TANC2: variants seen among roughly 807,000 people sequenced by gnomAD.
The protein encoded by TANC2 is protein TANC2.
In TANC2, 26 loss-of-function variants were observed where a neutral mutation model predicts 210.5. The observed-to-expected ratio is 0.12, with a 90% CI of 0.09 to 0.17. The LOEUF is 0.17. Among genes scored for constraint, TANC2 ranks in the 10% least tolerant of loss-of-function variants. TANC2 has a pLI of 1.00. For missense variants in TANC2, 2,129 were observed against 2,608.9 expected (o/e 0.82, Z 4.01); for synonymous variants, 931 against 967.1 (o/e 0.96, Z 0.69).
At chr17:63,083,388 A>T (rs376167047) in intron 3 of TANC2, among the ~76,000 whole-genome samples, 1 of 152,198 alleles carries the variant, frequency 6.6e-6, no homozygotes, top group African/African-American at 2.4e-5. Flanking sequence ...GTGCTTGCCC[A>T]GTCACCACTA....
intron 2 of TANC2, among the ~76,000 whole-genome samples, chr17:63,029,503 T>C (rs2144113205): frequency 6.6e-6 from 1 of 152,238 alleles, no homozygotes; most frequent in African/African-American, 2.4e-5. Flanking sequence ...ATATAACTAG[T>C]TTTCAATCAT....
intron 5 of TANC2, among the ~76,000 whole-genome samples, chr17:63,172,248 A>G (rs904731813): frequency 3.4e-5 from 5 of 148,756 alleles, no homozygotes; most frequent in South Asian, 2.1e-4. Flanking sequence ...CTGGAGTGCA[A>G]TGACACATTC....
At chr17:63,347,614 A>G (rs576233545) in intron 12 of TANC2, among the ~76,000 whole-genome samples, 1 of 152,364 alleles carries the variant, frequency 6.6e-6, no homozygotes, top group East Asian at 1.9e-4. Flanking sequence ...AAAATGAGTC[A>G]GTATTTTTCA....
Position 63,412,658 on chromosome 17 carries a change from T to C in TANC2, c.3899-22T>C. On this transcript the variant is annotated intron_variant, in intron 23 of 27. Transcript: ENST00000689528. This position sits in a 1 kb window ranked among gnomAD's most constrained non-coding sequence, Gnocchi z 4.2. ...TTTTTTTTTCCTCTCCTACAACTTT[T>C]TGTTTTCTCCTTTCTTTGAAGGTTG... The C allele has an allele frequency of 6.5e-7, 1 of 1,534,568 alleles. No individual in the cohort carries two copies. Among genetic ancestry groups the C allele is most frequent in the Non-Finnish European group, 8.7e-7 (1 of 1,146,308 alleles).
chr17:63,192,771 G>A (rs2041227052), intron 5 of TANC2, among the ~76,000 whole-genome samples: 1 of 152,172 alleles, frequency 6.6e-6, no homozygotes, highest in South Asian at 2.1e-4. Context: ...TATGTAAAGT[G>A]TTTACACTAG....
intron 2 of TANC2, among the ~76,000 whole-genome samples, chr17:63,026,750 T>C (rs2034570259): frequency 6.6e-6 from 1 of 152,206 alleles, no homozygotes; most frequent in Admixed American, 6.5e-5. Context: ...TTTATTTCCA[T>C]ACTCTGAATT....
At chr17:63,175,402 C>G (rs1408930797) in intron 5 of TANC2, among the ~76,000 whole-genome samples, 1 of 151,886 alleles carries the variant, frequency 6.6e-6, no homozygotes, top group Non-Finnish European at 1.5e-5. Context: ...TGCTGTGTGC[C>G]TGTAGTCTCA....
intron 2 of TANC2, among the ~76,000 whole-genome samples, chr17:63,054,377 T>C (rs761375487): frequency 1.3e-5 from 2 of 152,142 alleles, no homozygotes; most frequent in African/African-American, 4.8e-5. Flanking sequence ...ATGTTGTTTT[T>C]GTTTTTTTCT....
chr17:63,208,754 A>G (rs577086246), intron 7 of TANC2, among the ~76,000 whole-genome samples: 10 of 151,966 alleles, frequency 6.6e-5, no homozygotes, highest in African/African-American at 2.4e-4. Flanking sequence ...CTTTTTTCCT[A>G]GATGCTTTAT....
At chr17:63,097,638 A>G (rs1330848855) in intron 3 of TANC2, among the ~76,000 whole-genome samples, 1 of 152,102 alleles carries the variant, frequency 6.6e-6, no homozygotes, top group Non-Finnish European at 1.5e-5. Context: ...GGCCACATTC[A>G]AAGCTGTCCT....
At chr17:62,967,237 A>G (rs2031399084) in intron 1 of TANC2, 1 of 152,350 alleles carries the variant, frequency 6.6e-6, no homozygotes, top group East Asian at 1.9e-4. Context: ...TAAAAGATTA[A>G]TAAGGCTCAT....
intron 11 of TANC2, among the ~76,000 whole-genome samples, chr17:63,326,626 G>A (rs2429430): frequency 0.59 from 89,674 of 151,798 alleles, 29,054 homozygotes; most frequent in African/African-American, 0.86. Flanking sequence ...GCTACTCAGG[G>A]TGCTGAGGTG....
chr17:63,104,100 A>G (rs144889703), intron 4 of TANC2, among the ~76,000 whole-genome samples: 17 of 152,282 alleles, frequency 1.1e-4, no homozygotes, highest in African/African-American at 4.1e-4. Flanking sequence ...TGTTTCAAGT[A>G]ATAAAAGATA....
intron 4 of TANC2, among the ~76,000 whole-genome samples, chr17:63,132,669 T>C (rs543983395): frequency 4.6e-5 from 7 of 152,320 alleles, no homozygotes; most frequent in Admixed American, 3.9e-4. Context: ...TTTAGGGAGA[T>C]TGAAAAGCAA....
chr17:62,966,238 G>T lies in TANC2; in HGVS notation c.-535G>T, dbSNP rs962554103. The stretch of plus-strand genomic sequence containing the variant: ...GGTGCGACGCCCCCAGCGCGGCGGC[G>T]GCGCTAGCGAGCGGCCGGCGGGGCG... On this transcript the variant is annotated 5_prime_UTR_variant, in exon 1 of 28. Transcript: ENST00000689528. This position sits in a 1 kb window ranked among gnomAD's most constrained non-coding sequence, Gnocchi z 5.1. 6.8e-6 allele frequency among the ~76,000 whole-genome samples: 1 copy of T among 146,268 alleles called. No individual in the cohort carries two copies. The highest frequency in any genetic ancestry group is 1.5e-5 in the Non-Finnish European group (1 of 65,856).
chr17:63,186,350 CTTT>C (rs11314991), intron 5 of TANC2, among the ~76,000 whole-genome samples: 12 of 114,366 alleles, frequency 1.0e-4, no homozygotes, highest in African/African-American at 3.3e-4. Flanking sequence ...CTCTCTCTCT[CTTT>C]TTTTTTTTTT....
intron 11 of TANC2, among the ~76,000 whole-genome samples, chr17:63,329,516 CT>C (rs1270795179): frequency 6.6e-6 from 1 of 152,194 alleles, no homozygotes; most frequent in Non-Finnish European, 1.5e-5. Flanking sequence ...AACAGACACT[CT>C]CATACTGGAG....
At chr17:63,310,581 A>G (rs1567903619) in intron 9 of TANC2, among the ~76,000 whole-genome samples, 1 of 152,234 alleles carries the variant, frequency 6.6e-6, no homozygotes, top group East Asian at 1.9e-4. Context: ...GTTCTCACAA[A>G]TTCAGTAAGA....
At chr17:63,077,524 T>A (rs895744088) in intron 3 of TANC2, among the ~76,000 whole-genome samples, 15 of 152,148 alleles carry the variant, frequency 9.9e-5, no homozygotes, top group African/African-American at 3.1e-4. Context: ...AGAAGAGTGG[T>A]CTTCAGGAAA....
Sources: allele counts gnomAD v4.1 joint callset (sites outside exome capture counted in the v4.1 genomes callset), GRCh38; gene constraint gnomAD v4.1.1; non-coding constraint Gnocchi (gnomAD v3.1); transcripts MANE v1.5; gene names NCBI Gene and HGNC (gene_info 2026-07-23, HGNC 2026-07-21).